The following IGF1R variants were observed in gnomAD, a reference collection of about 807,000 sequenced individuals.
IGF1R encodes the protein insulin-like growth factor 1 receptor.
IGF1R carries 44 observed loss-of-function variants against 144.6 expected under a neutral mutation model. The observed-to-expected ratio is 0.30, with a 90% CI of 0.24 to 0.39. The LOEUF is 0.39. Ranked by LOEUF, IGF1R falls within the 10% of genes least tolerant of loss-of-function variation. IGF1R has a pLI of 1.00. For synonymous variants in IGF1R, 795 were observed against 722.8 expected (o/e 1.10, Z -1.60); for missense variants, 1,355 against 1,833.7 (o/e 0.74, Z 4.77).
At chr15:98,764,490 T>C (rs933706977) in intron 2 of IGF1R, among the ~76,000 whole-genome samples, 12 of 152,200 alleles carry the variant, frequency 7.9e-5, no homozygotes, top group Non-Finnish European at 1.2e-4. Flanking sequence ...TATGGAAGAA[T>C]GCTGGGATCT....
chr15:98,867,075 C>T (rs1314873991), intron 2 of IGF1R, among the ~76,000 whole-genome samples: 1 of 151,816 alleles, frequency 6.6e-6, no homozygotes, highest in Non-Finnish European at 1.5e-5. Context: ...GCGCCTCTCA[C>T]AATGGAGGTT....
At chr15:98,912,118 T>A (rs1426460036) in intron 7 of IGF1R, among the ~76,000 whole-genome samples, 1 of 151,958 alleles carries the variant, frequency 6.6e-6, no homozygotes, top group Non-Finnish European at 1.5e-5. Context: ...TTGCCTTCTA[T>A]ATCCAGGTGG....
At chr15:98,825,927 A>G (rs1170489196) in intron 2 of IGF1R, among the ~76,000 whole-genome samples, 1 of 152,128 alleles carries the variant, frequency 6.6e-6, no homozygotes, top group Non-Finnish European at 1.5e-5. Context: ...ATGGGTGTGA[A>G]TGTTGGGCAG....
chr15:98,812,700 C>A (rs1197085844), intron 2 of IGF1R, among the ~76,000 whole-genome samples: 1 of 152,178 alleles, frequency 6.6e-6, no homozygotes, highest in Admixed American at 6.5e-5. Context: ...TTATGGCCAT[C>A]CTTCCAAACG....
intron 2 of IGF1R, among the ~76,000 whole-genome samples, chr15:98,811,930 A>G (rs936466794): frequency 2.0e-5 from 3 of 152,238 alleles, no homozygotes; most frequent in Non-Finnish European, 2.9e-5. Context: ...CTCAAAAAAA[A>G]TAAGTCAACT....
At chr15:98,727,078 CTTTG>C (rs1488547327) in intron 2 of IGF1R, among the ~76,000 whole-genome samples, 3 of 152,062 alleles carry the variant, frequency 2.0e-5, no homozygotes, top group Admixed American at 1.3e-4. Flanking sequence ...GATTAGGTAC[CTTTG>C]TTTGGTTCAT....
intron 2 of IGF1R, among the ~76,000 whole-genome samples, chr15:98,888,976 G>A (rs1403499139): frequency 6.6e-6 from 1 of 152,170 alleles, no homozygotes; most frequent in Non-Finnish European, 1.5e-5. Context: ...ATTCCAGCCA[G>A]CAAGGAGGAG....
chr15:98,933,067 T>A (rs1317986886), intron 15 of IGF1R, among the ~76,000 whole-genome samples: 1 of 152,184 alleles, frequency 6.6e-6, no homozygotes, highest in Non-Finnish European at 1.5e-5. Flanking sequence ...CTTCTCCACC[T>A]CCTTTCTGAG....
chr15:98,930,282 C>A lies in IGF1R; in HGVS notation c.2933C>A (p.Pro978Gln). The A allele has an allele frequency of 6.2e-7, 1 of 1,612,960 alleles. No homozygotes were observed. The highest frequency in any genetic ancestry group is 8.5e-7 in the Non-Finnish European group (1 of 1,179,414). ...GGAGTGCTGTATGCCTCTGTGAACC[C>A]GGAGTACTTCAGCGCTGCTGATGGT... ...GNGVLYASVNPEYFSAADVYV... is the reference protein window; with the variant it reads ...GNGVLYASVNQEYFSAADVYV... Residue 978 changes from proline (P) to glutamine (Q), a missense_variant, in exon 15 of 21, where the codon CCG becomes CAG. By Grantham distance (76) the Pro-to-Gln change is moderately conservative (BLOSUM62 -1). Coordinates refer to ENST00000650285, the MANE Select transcript of IGF1R (RefSeq NM_000875.5).
At chr15:98,819,023 G>C (rs1340237530) in intron 2 of IGF1R, among the ~76,000 whole-genome samples, 1 of 152,152 alleles carries the variant, frequency 6.6e-6, no homozygotes, top group Non-Finnish European at 1.5e-5. Context: ...GGAGTGGGGA[G>C]GGAGGAGCAG....
intron 2 of IGF1R, among the ~76,000 whole-genome samples, chr15:98,766,068 G>A (rs1192695994): frequency 6.6e-6 from 1 of 152,234 alleles, no homozygotes; most frequent in African/African-American, 2.4e-5. Context: ...GAGGCAGCCT[G>A]TCATGGGGAA....
rs575663734 is a variant in IGF1R, at chr15:98,707,295, G to A, written c.95-267G>A. Among the ~76,000 whole-genome samples the A allele has an allele frequency of 2.0e-5, 3 of 152,290 alleles. No individual in the cohort carries two copies. In the South Asian group the frequency reaches 6.2e-4, roughly 32 times the overall value. ...GCCTCTGGGCTGTAAGCTTTAGTTTGCACGGTTAACGGGGATGGCCTCTCC... is the reference window on the plus strand; with the variant it reads ...GCCTCTGGGCTGTAAGCTTTAGTTTACACGGTTAACGGGGATGGCCTCTCC... On this transcript the variant is annotated intron_variant, in intron 1 of 20. Coordinates refer to ENST00000650285, the MANE Select transcript of IGF1R (RefSeq NM_000875.5). The surrounding 1 kb of genome is among the most constrained non-coding windows in gnomAD (Gnocchi z 6.7).
intron 1 of IGF1R, among the ~76,000 whole-genome samples, chr15:98,696,125 T>G (rs1210477391): frequency 6.6e-6 from 1 of 152,058 alleles, no homozygotes; most frequent in Admixed American, 6.6e-5. Context: ...CTCCTACATT[T>G]GTGCATTTCT....
At chr15:98,746,242 G>A (rs2054861927) in intron 2 of IGF1R, among the ~76,000 whole-genome samples, 1 of 152,178 alleles carries the variant, frequency 6.6e-6, no homozygotes, top group African/African-American at 2.4e-5. Context: ...GGTAGGTGGG[G>A]AAACATCTAG....
chr15:98,726,698 T>C (rs1024716919), intron 2 of IGF1R, among the ~76,000 whole-genome samples: 3 of 151,734 alleles, frequency 2.0e-5, no homozygotes, highest in African/African-American at 7.3e-5. Flanking sequence ...GCAGAATTCA[T>C]TTTTACATTG....
At chr15:98,778,824 T>C (rs1297631646) in intron 2 of IGF1R, among the ~76,000 whole-genome samples, 2 of 152,184 alleles carry the variant, frequency 1.3e-5, no homozygotes, top group African/African-American at 4.8e-5. Context: ...AGTGACCTTT[T>C]CTGTGGATTT....
At chr15:98,677,906 G>T (rs978641546) in intron 1 of IGF1R, among the ~76,000 whole-genome samples, 4 of 152,152 alleles carry the variant, frequency 2.6e-5, no homozygotes, top group African/African-American at 9.7e-5. Context: ...TGGTCATAGG[G>T]TCTTGCTGCA....
chr15:98,679,685 T>C (rs1350485777), intron 1 of IGF1R, among the ~76,000 whole-genome samples: 4 of 131,612 alleles, frequency 3.0e-5, no homozygotes, highest in Non-Finnish European at 4.8e-5. Context: ...TGCTGTACTT[T>C]TAATTGTTAG....
intron 17 of IGF1R, among the ~76,000 whole-genome samples, chr15:98,936,614 ATTTTTT>A (rs11379462): frequency 7.0e-6 from 1 of 142,544 alleles, no homozygotes; most frequent in East Asian, 2.0e-4. Flanking sequence ...TTTGGGCTTA[ATTTTTT>A]TTTTTTTTTA....
Sources: gnomAD v4.1 joint callset for allele counts (sites outside exome capture counted in the v4.1 genomes callset) on GRCh38, gnomAD v4.1.1 for gene constraint, Gnocchi (gnomAD v3.1) non-coding constraint, MANE v1.5 for transcripts, NCBI Gene and HGNC (gene_info 2026-07-23, HGNC 2026-07-21) for gene names.